NOL9: variants seen among roughly 807,000 people sequenced by gnomAD.
The protein encoded by NOL9 is polynucleotide 5'-hydroxyl-kinase NOL9.
Under a neutral mutation model 67.9 loss-of-function variants are expected in NOL9, and 28 were observed. The observed-to-expected ratio is 0.41, with a 90% CI of 0.31 to 0.57. NOL9 has a LOEUF of 0.57. Among genes scored for constraint, NOL9 ranks in the 20% least tolerant of loss-of-function variants. NOL9 has a pLI of 0.25. For synonymous variants in NOL9, 356 were observed against 352.2 expected, an observed-to-expected ratio of 1.01 and a Z score of -0.12; for missense variants, 777 against 897.0, an observed-to-expected ratio of 0.87 and a Z score of 1.71.
At chr1:6,530,123 C>T (rs1447991844) in intron 9 of NOL9, among the ~76,000 whole-genome samples, 1 of 151,578 alleles carries the variant, frequency 6.6e-6, no homozygotes, top group Non-Finnish European at 1.5e-5. Flanking sequence ...GAGACTCTGT[C>T]TCCAAAAAAA....
rs868713838 is a variant in NOL9, at chr1:6,543,896, C to A, written c.977+930G>T. 2.0e-5 allele frequency among the ~76,000 whole-genome samples: 3 copies of A among 151,994 alleles called. No homozygotes were observed. In the Middle Eastern group the frequency reaches 0.01, roughly 517 times the overall value. ...ATCCTAGCACTTTGGGAGGCTAAGGCGGGCAGATAACCTGAGGTCAGGATT... is the reference window on the plus strand; with the variant it reads ...ATCCTAGCACTTTGGGAGGCTAAGGAGGGCAGATAACCTGAGGTCAGGATT... On this transcript the variant is annotated intron_variant, in intron 5 of 11. Transcript: ENST00000377705.
At chr1:6,552,695 C>T (rs895070910) in intron 1 of NOL9, among the ~76,000 whole-genome samples, 5 of 151,876 alleles carry the variant, frequency 3.3e-5, no homozygotes, top group Non-Finnish European at 5.9e-5. Flanking sequence ...GTCTCGAACT[C>T]GCTACCTCAG....
In NOL9 at chr1:6,533,425, G is replaced by A; in HGVS notation, c.1092C>T (p.His364=). The change falls in exon 7 of 12, where the codon CAC becomes CAT. Residue 364 remains histidine (H), a synonymous_variant. Transcript: ENST00000377705. ...TEPVLGPPFT[H]LRTPQKMVYY... ...ATACCATCTTCTGTGGAGTCCTCAG[G>A]TGAGTGAAAGGTGGTCCTAAAAAGA... The A allele has an allele frequency of 6.3e-7, 1 of 1,599,598 alleles. No homozygotes were observed. The highest frequency in any genetic ancestry group is 8.5e-7 in the Non-Finnish European group (1 of 1,171,510).
intron 1 of NOL9, among the ~76,000 whole-genome samples, chr1:6,551,878 C>G (rs893429737): frequency 6.6e-6 from 1 of 151,982 alleles, no homozygotes; most frequent in African/African-American, 2.4e-5. Flanking sequence ...AAAAAAAATA[C>G]AAAAAACTTA....
At chr1:6,529,312 C>T in intron 9 of NOL9, 141 bp from the exon 10 acceptor site, 1 of 757,698 alleles carries the variant, frequency 1.3e-6, no homozygotes, top group South Asian at 1.8e-5. Context: ...TAAAAACAGC[C>T]AGGCACAGTG....
Position 6,554,493 on chromosome 1 carries a change from A to T in NOL9, c.10T>A (p.Ser4Thr), listed in dbSNP as rs1253263267. Residue 4 changes from serine to threonine, a missense_variant, in exon 1 of 12, where the codon TCG (serine) becomes ACG (threonine). Around this residue, in one of 2 missense-constraint regions of NOL9, gnomAD observed 364 missense variants for 344.4 expected, o/e 1.06. Coordinates refer to ENST00000377705, the MANE Select transcript of NOL9 (RefSeq NM_024654.5). ...GAACCCCGCTTTAGCAGCAGTCCCG[A>T]GTCCGCCATGCTGGGTCCTCAGGGC... The part of the protein sequence containing the change: MAD[S>T]GLLLKRGSCR... 1 of 1,541,298 alleles carries T rather than the reference A, an allele frequency of 6.5e-7. No homozygotes were observed. The highest frequency in any genetic ancestry group is 1.4e-5 in the African/African-American group (1 of 70,400).
Position 6,521,693 on chromosome 1 carries a change from G to A in NOL9, c.*4161C>T, listed in dbSNP as rs1282278267. On this transcript the variant is annotated 3_prime_UTR_variant, in exon 12 of 12. Coordinates refer to ENST00000377705, the MANE Select transcript of NOL9 (RefSeq NM_024654.5). ...AACCTGCCAGAGGCAAGATGAGTAA[G>A]TAGCTGTGGATTCATTTAGTTTCTG... 6.6e-6 allele frequency: 1 copy of A among 152,186 alleles called. No individual in the cohort carries two copies. The highest frequency in any genetic ancestry group is 2.4e-5 in the African/African-American group (1 of 41,424). 9.4% of individuals were successfully genotyped at this position (152,186 alleles called of 1,614,324 possible).
chr1:6,538,054 T>A (rs962437393), intron 6 of NOL9, among the ~76,000 whole-genome samples: 4 of 146,860 alleles, frequency 2.7e-5, no homozygotes, highest in African/African-American at 1.0e-4. Context: ...CTGAAAAATT[T>A]AAAAATAAAA....
chr1:6,529,295 T>TA, intron 9 of NOL9, 124 bp from the exon 10 acceptor site: 2 of 869,962 alleles, frequency 2.3e-6, no homozygotes, highest in South Asian at 3.5e-5. Context: ...AAAGTATCTC[T>TA]AAAGAATAAA....
chr1:6,533,160 G>A (rs1386777642), intron 7 of NOL9, 120 bp downstream of exon 7: 1 of 1,043,956 alleles, frequency 9.6e-7, no homozygotes, highest in Non-Finnish European at 1.4e-6. Context: ...GGGCGACAGA[G>A]TGAGACCCTG....
At chr1:6,541,061 G>A (rs1468252732) in intron 6 of NOL9, 1 of 124,424 alleles carries the variant, frequency 8.0e-6, no homozygotes, top group Admixed American at 1.0e-4. Context: ...CTGTTGCCCA[G>A]GTTGGAGTGC....
At position 6,548,266 on chromosome 1, in the gene NOL9, C is replaced by T. The variant is rs528401730; in HGVS notation, c.744+1305G>A. The stretch of plus-strand genomic sequence containing the variant: ...AGGTTCCATCGATTCTCCCGCCTCA[C>T]CTCTGGAGTAACTGGGATTACAGGT... On this transcript the variant is annotated intron_variant, in intron 3 of 11. Coordinates refer to ENST00000377705, the MANE Select transcript of NOL9 (RefSeq NM_024654.5). 24 of 157,136 alleles carry T rather than the reference C, an allele frequency of 1.5e-4. 1 individual carries two copies. In the South Asian group the frequency reaches 4.1e-3, roughly 27 times the overall value. 9.7% of individuals were successfully genotyped at this position (157,136 alleles called of 1,614,324 possible).
intron 4 of NOL9, 32 bp downstream of exon 4, chr1:6,545,013 G>A (rs769316213): frequency 5.0e-6 from 8 of 1,613,940 alleles, no homozygotes; most frequent in Non-Finnish European, 6.8e-6. Flanking sequence ...CTGGTGGACA[G>A]ACATTCAGGG....
chr1:6,538,323 A>G (rs1431373745), intron 6 of NOL9, among the ~76,000 whole-genome samples: 1 of 152,166 alleles, frequency 6.6e-6, no homozygotes, highest in African/African-American at 2.4e-5. Context: ...ATAAAGAACT[A>G]CTATTAATAC....
intron 6 of NOL9, among the ~76,000 whole-genome samples, chr1:6,538,647 C>T (rs1479793272): frequency 6.6e-6 from 1 of 150,980 alleles, no homozygotes; most frequent in South Asian, 2.1e-4. Context: ...ACTCCAGCCT[C>T]GGCACTCCGT....
intron 10 of NOL9, among the ~76,000 whole-genome samples, chr1:6,528,292 G>A (rs765620676): frequency 3.3e-5 from 5 of 152,218 alleles, no homozygotes; most frequent in Non-Finnish European, 7.3e-5. Flanking sequence ...CCTGGGTTCA[G>A]GTCATTCCTG....
In NOL9 at chr1:6,554,351, C is replaced by A; in HGVS notation, c.152G>T (p.Arg51Leu). The change falls in exon 1 of 12, where the codon CGG becomes CTG. Residue 51 changes from arginine to leucine, a missense_variant. Around this residue, in one of 2 missense-constraint regions of NOL9, gnomAD observed 364 missense variants for 344.4 expected, o/e 1.06. Coordinates refer to ENST00000377705, the MANE Select transcript of NOL9 (RefSeq NM_024654.5). ...RWCGRRRLRW[R>L]LLQAQASGVD... ...GCCGGACGCCTGGGCTTGCAGTAAC[C>A]GCCACCGTAGGCGCCGCCGACCGCA... 1 of 1,457,254 alleles carries A rather than the reference C, an allele frequency of 6.9e-7. No homozygotes were observed. The highest frequency in any genetic ancestry group is 3.0e-5 in the Admixed American group (1 of 33,808). 90.3% of individuals were successfully genotyped at this position (1,457,254 alleles called of 1,614,324 possible). A position where few individuals can be genotyped will look rare whatever the true frequency, so the allele number is the denominator to read the frequency against.
intron 8 of NOL9, 105 bp downstream of exon 8, chr1:6,532,358 G>C: frequency 9.5e-7 from 1 of 1,052,266 alleles, no homozygotes; most frequent in East Asian, 2.4e-5. Context: ...GCTGTGACAG[G>C]GACCTGAAGA....
At chr1:6,539,759 C>T (rs913589736) in intron 6 of NOL9, among the ~76,000 whole-genome samples, 2 of 152,182 alleles carry the variant, frequency 1.3e-5, no homozygotes, top group Non-Finnish European at 2.9e-5. Flanking sequence ...GCTGGGATTA[C>T]AGGTGTGAGC....
Sources: allele counts gnomAD v4.1 joint callset (sites outside exome capture counted in the v4.1 genomes callset), GRCh38; gene constraint gnomAD v4.1.1; regional missense constraint gnomAD v4.1.1; transcripts MANE v1.5; gene names NCBI Gene and HGNC (gene_info 2026-07-23, HGNC 2026-07-21).